Variants in CDH4 observed in about 807,000 individuals in gnomAD.
CDH4 encodes the protein cadherin-4.
Under a neutral mutation model 86.0 loss-of-function variants are expected in CDH4, and 33 were observed. The ratio of observed to expected loss-of-function variants is 0.38; its 90% CI spans 0.29 to 0.51. The LOEUF is 0.51. Among genes scored for constraint, CDH4 ranks in the 20% least tolerant of loss-of-function variants. The pLI is 0.86. For synonymous variants in CDH4, 555 were observed against 549.4 expected (o/e 1.01, Z -0.14); for missense variants, 1,114 against 1,307.4 (o/e 0.85, Z 2.28).
At chr20:61,419,909 C>G (rs192499112) in intron 2 of CDH4, among the ~76,000 whole-genome samples, 1 of 152,366 alleles carries the variant, frequency 6.6e-6, no homozygotes, top group East Asian at 1.9e-4. Context: ...TGGCATCATT[C>G]AGTCGGTGAT....
chr20:61,308,175 C>G (rs2084427498), intron 2 of CDH4, among the ~76,000 whole-genome samples: 1 of 152,144 alleles, frequency 6.6e-6, no homozygotes, highest in African/African-American at 2.4e-5. Flanking sequence ...TTTTTATGGC[C>G]CCACGTGAGC....
At chr20:61,784,877 C>T (rs1978790403) in intron 4 of CDH4, among the ~76,000 whole-genome samples, 2 of 152,286 alleles carry the variant, frequency 1.3e-5, no homozygotes, top group South Asian at 4.1e-4. Context: ...TCCCACGTCC[C>T]ATCCCCTTCC....
At chr20:61,478,495 A>G (rs1003816407) in intron 2 of CDH4, among the ~76,000 whole-genome samples, 22 of 152,186 alleles carry the variant, frequency 1.4e-4, no homozygotes, top group African/African-American at 4.6e-4. Flanking sequence ...CAGAGAACAC[A>G]TGTGTGTCCA....
chr20:61,561,803 T>G (rs2086218047), intron 2 of CDH4, among the ~76,000 whole-genome samples: 1 of 152,228 alleles, frequency 6.6e-6, no homozygotes, highest in African/African-American at 2.4e-5. Context: ...TTTAGGAACA[T>G]GGACAAGAAG....
chr20:61,658,169 A>G (rs926898474), intron 2 of CDH4, among the ~76,000 whole-genome samples: 1 of 151,726 alleles, frequency 6.6e-6, no homozygotes, highest in Non-Finnish European at 1.5e-5. Flanking sequence ...AGATCTCTCT[A>G]TTAGAGAGGG....
intron 3 of CDH4, among the ~76,000 whole-genome samples, chr20:61,749,145 G>A (rs1164075853): frequency 6.6e-6 from 1 of 152,146 alleles, no homozygotes; most frequent in Non-Finnish European, 1.5e-5. Flanking sequence ...GGAACACTTC[G>A]TAATGATAAA....
At chr20:61,756,995 T>C (rs569815885) in intron 3 of CDH4, among the ~76,000 whole-genome samples, 10 of 152,334 alleles carry the variant, frequency 6.6e-5, no homozygotes, top group Non-Finnish European at 1.5e-5. Flanking sequence ...ACAGCAATTC[T>C]AGAATAAATA....
At chr20:61,877,776 A>G (rs1204955900) in intron 7 of CDH4, among the ~76,000 whole-genome samples, 1 of 152,158 alleles carries the variant, frequency 6.6e-6, no homozygotes, top group Non-Finnish European at 1.5e-5. Flanking sequence ...TGGGACCCCC[A>G]TGTGGACCAG....
At chr20:61,359,838 C>T (rs1017032697) in intron 2 of CDH4, among the ~76,000 whole-genome samples, 1 of 152,102 alleles carries the variant, frequency 6.6e-6, no homozygotes, top group Non-Finnish European at 1.5e-5. Context: ...AAGAGAGAGG[C>T]CTCAGAAAGA....
At chr20:61,830,298 G>A (rs985448188) in intron 4 of CDH4, among the ~76,000 whole-genome samples, 40 of 152,126 alleles carry the variant, frequency 2.6e-4, no homozygotes, top group Admixed American at 3.9e-4. Flanking sequence ...AGCGTCCTGC[G>A]TGGAACATAC....
At chr20:61,565,195 G>GCT (rs2086265620) in intron 2 of CDH4, among the ~76,000 whole-genome samples, 6 of 77,874 alleles carry the variant, frequency 7.7e-5, no homozygotes, top group African/African-American at 2.4e-4. Context: ...TGGTCCTCTT[G>GCT]GTGGTGGTCG....
intron 2 of CDH4, among the ~76,000 whole-genome samples, chr20:61,529,703 C>A (rs76455250): frequency 3.3e-5 from 5 of 152,040 alleles, no homozygotes; most frequent in Non-Finnish European, 5.9e-5. Context: ...CTTGAGGGAA[C>A]GTCACATGCC....
At chr20:61,571,138 G>A (rs1473387002) in intron 2 of CDH4, among the ~76,000 whole-genome samples, 3 of 152,166 alleles carry the variant, frequency 2.0e-5, no homozygotes, top group Admixed American at 1.3e-4. Context: ...CCCGCCTGCA[G>A]GGTCCTTTCC....
chr20:61,825,058 G>T (rs1399939218), intron 4 of CDH4, among the ~76,000 whole-genome samples: 1 of 152,026 alleles, frequency 6.6e-6, no homozygotes, highest in Non-Finnish European at 1.5e-5. Context: ...TTTGTAAGTT[G>T]GTGATTTTTT....
chr20:61,304,743 T>G (rs1367043936), intron 2 of CDH4, among the ~76,000 whole-genome samples: 1 of 151,548 alleles, frequency 6.6e-6, no homozygotes, highest in African/African-American at 2.4e-5. Flanking sequence ...GCTGTGTGTT[T>G]TGCATGCAGT....
intron 2 of CDH4, among the ~76,000 whole-genome samples, chr20:61,388,863 G>A (rs1056561965): frequency 6.6e-6 from 1 of 152,210 alleles, no homozygotes; most frequent in African/African-American, 2.4e-5. Context: ...ATGCCGTTGT[G>A]TGAGCATAAT....
At chr20:61,473,490 C>T (rs1193862511) in intron 2 of CDH4, among the ~76,000 whole-genome samples, 4 of 152,190 alleles carry the variant, frequency 2.6e-5, no homozygotes, top group Admixed American at 2.6e-4. Flanking sequence ...TCAGCCAGCA[C>T]ATTGTTTTCT....
At chr20:61,744,823 G>A (rs1171370477) in intron 3 of CDH4, among the ~76,000 whole-genome samples, 1 of 152,188 alleles carries the variant, frequency 6.6e-6, no homozygotes, top group African/African-American at 2.4e-5. Context: ...TAGCTGTTAG[G>A]TTCCCCGTGC....
At chr20:61,329,466 T>TGCCTCGTGGGTCTGGGACGCGGGTC (rs2084558862) in intron 2 of CDH4, among the ~76,000 whole-genome samples, 2 of 37,216 alleles carry the variant, frequency 5.4e-5, no homozygotes, top group Admixed American at 4.1e-4. Flanking sequence ...GGATGTGGGT[T>TGCCTCGTGGGTCTGGGACGCGGGTC]GAGGTGGCTG....
Sources: allele counts gnomAD v4.1 joint callset (sites outside exome capture counted in the v4.1 genomes callset), GRCh38; gene constraint gnomAD v4.1.1; transcripts MANE v1.5; gene names NCBI Gene and HGNC (gene_info 2026-07-23, HGNC 2026-07-21).